PCDH11Y: variants seen among roughly 807,000 people sequenced by gnomAD.
The protein encoded by PCDH11Y is protocadherin-11 Y-linked.
For synonymous variants in PCDH11Y, 9 were observed against 83.6 expected, an observed-to-expected ratio of 0.11 and a Z score of 4.87; for missense variants, 12 against 224.8, an observed-to-expected ratio of 0.05 and a Z score of 6.05.
intron 4 of PCDH11Y, among the ~76,000 whole-genome samples, chrY:5,631,035 G>T (rs2053511900): frequency 8.3e-4 from 26 of 31,488 alleles, no homozygotes; most frequent in Non-Finnish European, 3.1e-4. Flanking sequence ...TCTGGAAGAT[G>T]AGGGGGTGCC....
At chrY:5,127,995 G>C in intron 2 of PCDH11Y, among the ~76,000 whole-genome samples, 1 of 33,316 alleles carries the variant, frequency 3.0e-5, no homozygotes, top group Admixed American at 2.8e-4. Flanking sequence ...ACATTAAACA[G>C]GTTTATAATT....
intron 2 of PCDH11Y, among the ~76,000 whole-genome samples, chrY:5,371,723 C>A: frequency 6.2e-5 from 2 of 32,169 alleles, no homozygotes; most frequent in Non-Finnish European, 1.5e-4. Context: ...CAAGGCGAAA[C>A]CCCATCTCTA....
intron 2 of PCDH11Y, among the ~76,000 whole-genome samples, chrY:5,312,092 C>T (rs2053101488): frequency 3.1e-5 from 1 of 32,748 alleles, no homozygotes; most frequent in African/African-American, 1.2e-4. Flanking sequence ...TTTTGCTATT[C>T]TGTTGTCTTT....
intron 2 of PCDH11Y, among the ~76,000 whole-genome samples, chrY:5,167,534 T>C (rs2124645091): frequency 3.6e-5 from 1 of 27,671 alleles, no homozygotes; most frequent in South Asian, 8.0e-4. Flanking sequence ...TGTGTGTGTG[T>C]GTGTGTGTGT....
intron 2 of PCDH11Y, among the ~76,000 whole-genome samples, chrY:5,432,557 T>A: frequency 3.0e-5 from 1 of 32,840 alleles, no homozygotes. Flanking sequence ...AAGCAGTTTT[T>A]CCCTCAAATT....
chrY:5,313,402 C>T, intron 2 of PCDH11Y, among the ~76,000 whole-genome samples: 1 of 33,101 alleles, frequency 3.0e-5, no homozygotes, highest in East Asian at 7.9e-4. Context: ...CTTCTACTGC[C>T]TTAGAAAAAT....
At chrY:5,083,433 C>T (rs2052724511) in intron 1 of PCDH11Y, among the ~76,000 whole-genome samples, 2 of 32,342 alleles carry the variant, frequency 6.2e-5, no homozygotes, top group Non-Finnish European at 1.5e-4. Flanking sequence ...TCGGCCCCAC[C>T]GCCACTCATC....
At chrY:5,350,018 A>G in intron 2 of PCDH11Y, among the ~76,000 whole-genome samples, 1 of 33,156 alleles carries the variant, frequency 3.0e-5, no homozygotes, top group African/African-American at 1.2e-4. Flanking sequence ...TTGATGACTT[A>G]GTTTTGATGA....
chrY:5,543,895 G>C, intron 3 of PCDH11Y, among the ~76,000 whole-genome samples: 2 of 33,317 alleles, frequency 6.0e-5, no homozygotes, highest in East Asian at 1.6e-3. Context: ...TCATTGTTAT[G>C]AGGCAGTAAG....
chrY:5,330,249 T>G, intron 2 of PCDH11Y, among the ~76,000 whole-genome samples: 1 of 33,038 alleles, frequency 3.0e-5, no homozygotes, highest in African/African-American at 1.2e-4. Flanking sequence ...CAAGGTAACG[T>G]CATCAGTTAA....
At chrY:5,280,250 T>C in intron 2 of PCDH11Y, among the ~76,000 whole-genome samples, 1 of 32,604 alleles carries the variant, frequency 3.1e-5, no homozygotes, top group Non-Finnish European at 7.5e-5. Context: ...GTAAGCCTAG[T>C]AGCCATTTCT....
chrY:5,267,197 C>CT (rs869061554), intron 2 of PCDH11Y, among the ~76,000 whole-genome samples: 29 of 10,907 alleles, frequency 2.7e-3, no homozygotes, highest in African/African-American at 3.7e-3. Flanking sequence ...AAAGTTGTTG[C>CT]TTTTTTTTTT....
At chrY:5,417,352 GT>G (rs2053254083) in intron 2 of PCDH11Y, among the ~76,000 whole-genome samples, 1 of 30,092 alleles carries the variant, frequency 3.3e-5, no homozygotes, top group Non-Finnish European at 8.0e-5. Context: ...AGGACATCCT[GT>G]TGAAGATGCT....
intron 1 of PCDH11Y, among the ~76,000 whole-genome samples, chrY:5,023,252 C>T: frequency 3.0e-5 from 1 of 33,417 alleles, no homozygotes; most frequent in Non-Finnish European, 7.4e-5. Flanking sequence ...ATATGACTCC[C>T]AGTCACACTT....
intron 2 of PCDH11Y, among the ~76,000 whole-genome samples, chrY:5,360,158 T>C: frequency 3.1e-5 from 1 of 32,599 alleles, no homozygotes; most frequent in Non-Finnish European, 7.5e-5. Flanking sequence ...CCTCAAGTGC[T>C]GGTGCAAGAA....
intron 2 of PCDH11Y, among the ~76,000 whole-genome samples, chrY:5,257,422 G>A: frequency 6.7e-5 from 2 of 29,854 alleles, no homozygotes; most frequent in African/African-American, 2.7e-4. Flanking sequence ...TTTTTTTTTT[G>A]AGGCTAATGC....
At chrY:5,350,490 G>C (rs2053156964) in intron 2 of PCDH11Y, among the ~76,000 whole-genome samples, 2 of 31,604 alleles carry the variant, frequency 6.3e-5, no homozygotes, top group Non-Finnish European at 1.5e-4. Context: ...TGGATCACCT[G>C]AGGTCAGGAG....
chrY:5,161,138 G>C, intron 2 of PCDH11Y, among the ~76,000 whole-genome samples: 1 of 31,910 alleles, frequency 3.1e-5, no homozygotes, highest in Non-Finnish European at 7.8e-5. Context: ...TTTACTGTAT[G>C]GATAGGAAGA....
chrY:5,486,698 TATATATACAC>T (rs2053332296), intron 2 of PCDH11Y, among the ~76,000 whole-genome samples: 7 of 8,542 alleles, frequency 8.2e-4, no homozygotes, highest in South Asian at 3.1e-3. Flanking sequence ...TATATATATA[TATATATACAC>T]ATATATATAT....
Sources: allele counts gnomAD v4.1 joint callset (sites outside exome capture counted in the v4.1 genomes callset), GRCh38; gene constraint gnomAD v4.1.1; transcripts MANE v1.5; gene names NCBI Gene and HGNC (gene_info 2026-07-23, HGNC 2026-07-21).